The following RBFOX1 variants were observed in gnomAD, a reference collection of about 807,000 sequenced individuals.
RBFOX1 encodes RNA binding protein fox-1 homolog 1.
RBFOX1 carries 8 observed loss-of-function variants against 57.7 expected under a neutral mutation model. The ratio of observed to expected loss-of-function variants is 0.14; its 90% confidence interval spans 0.08 to 0.25. RBFOX1 has a LOEUF of 0.25. RBFOX1 is among the 10% of genes least tolerant of loss of function. The probability of loss-of-function intolerance (pLI) is 1.00; values close to 1 mark genes in which losing one functional copy is unlikely to be tolerated. For missense variants in RBFOX1, 611 were observed against 548.5 expected (o/e 1.11, Z -1.14); for synonymous variants, 326 against 222.4 (o/e 1.47, Z -4.15).
At chr16:7,003,274 C>T (rs976916861) in intron 3 of RBFOX1, among the ~76,000 whole-genome samples, 4 of 151,760 alleles carry the variant, frequency 2.6e-5, no homozygotes, top group Non-Finnish European at 5.9e-5. Flanking sequence ...TCCTGGCCAA[C>T]ATGGTGAAAC....
chr16:7,422,257 C>A (rs1050966472), intron 4 of RBFOX1, among the ~76,000 whole-genome samples: 1 of 152,138 alleles, frequency 6.6e-6, no homozygotes. Flanking sequence ...AGAAACAGCC[C>A]TATTGTTTTA....
At chr16:5,988,019 C>G (rs2060315512) in intron 4 of RBFOX1, among the ~76,000 whole-genome samples, 1 of 152,136 alleles carries the variant, frequency 6.6e-6, no homozygotes, top group Non-Finnish European at 1.5e-5. Flanking sequence ...TGGCTCTAGC[C>G]CACAGTACTT....
chr16:7,582,417 G>A (rs2093844082), intron 6 of RBFOX1, among the ~76,000 whole-genome samples: 1 of 152,130 alleles, frequency 6.6e-6, no homozygotes, highest in South Asian at 2.1e-4. Flanking sequence ...AGACCCCCTT[G>A]CAATGACTTT....
chr16:7,295,045 T>C (rs1272775313), intron 4 of RBFOX1, among the ~76,000 whole-genome samples: 6 of 152,174 alleles, frequency 3.9e-5, no homozygotes, highest in Admixed American at 2.6e-4. Context: ...CAGAAGTAAT[T>C]TTCTAACATG....
chr16:5,701,536 G>A (rs2051047709), intron 3 of RBFOX1, among the ~76,000 whole-genome samples: 1 of 152,080 alleles, frequency 6.6e-6, no homozygotes. Context: ...TATGCCTCCT[G>A]GGCTCAAGCC....
chr16:5,988,271 G>C (rs2060320691), intron 4 of RBFOX1, among the ~76,000 whole-genome samples: 1 of 152,148 alleles, frequency 6.6e-6, no homozygotes, highest in African/African-American at 2.4e-5. Flanking sequence ...GCAAATGTCT[G>C]TAATTGAACA....
Position 6,214,379 on chromosome 16 carries a change from G to A in RBFOX1, c.-126-102616G>A, listed in dbSNP as rs566692447. Among the ~76,000 whole-genome samples, 169 of 149,722 alleles carry A rather than the reference G, an allele frequency of 1.1e-3. 1 individual carries two copies. Among genetic ancestry groups the A allele is most frequent in the Admixed American group, 4.7e-3 (71 of 15,002 alleles). ...AGAAAGAGAGTGAGGGAGAAAGAGT[G>A]AGAGTGAGAGGGAGAGGGACAGGAA... is the stretch of plus-strand genomic sequence containing the variant. On this transcript the variant is annotated intron_variant, in intron 1 of 15. Coordinates refer to ENST00000550418, the MANE Select transcript of RBFOX1 (RefSeq NM_018723.4).
At chr16:7,149,009 G>T (rs1228553750) in intron 4 of RBFOX1, among the ~76,000 whole-genome samples, 1 of 152,216 alleles carries the variant, frequency 6.6e-6, no homozygotes, top group Non-Finnish European at 1.5e-5. Context: ...CTGGCTTAGA[G>T]AATGCGTCAA....
At chr16:7,211,453 C>G (rs2091124564) in intron 4 of RBFOX1, among the ~76,000 whole-genome samples, 1 of 150,130 alleles carries the variant, frequency 6.7e-6, no homozygotes, top group African/African-American at 2.5e-5. Context: ...ATCCAGTGGG[C>G]TGGTAGCTGT....
intron 4 of RBFOX1, among the ~76,000 whole-genome samples, chr16:7,310,374 T>C (rs568523180): frequency 1.3e-5 from 2 of 152,270 alleles, no homozygotes; most frequent in Admixed American, 6.5e-5. Context: ...ATAGCCCTGA[T>C]GGATTGATCC....
intron 3 of RBFOX1, among the ~76,000 whole-genome samples, chr16:6,671,085 T>A (rs985757216): frequency 2.0e-5 from 3 of 152,234 alleles, no homozygotes; most frequent in Admixed American, 6.5e-5. Context: ...CTCATACGTA[T>A]GAACAACCAG....
intron 4 of RBFOX1, among the ~76,000 whole-genome samples, chr16:7,057,734 G>T (rs1056056824): frequency 2.0e-5 from 3 of 152,142 alleles, no homozygotes; most frequent in Non-Finnish European, 2.9e-5. Flanking sequence ...GATGCCGGGT[G>T]CAGTGACTCA....
intron 2 of RBFOX1, among the ~76,000 whole-genome samples, chr16:6,541,570 G>A (rs1027385797): frequency 1.3e-5 from 2 of 152,144 alleles, no homozygotes; most frequent in Admixed American, 6.5e-5. Flanking sequence ...TAAGCGCAAT[G>A]GAAAGTCACT....
intron 4 of RBFOX1, among the ~76,000 whole-genome samples, chr16:5,928,138 G>T (rs995744267): frequency 6.6e-6 from 1 of 151,904 alleles, no homozygotes; most frequent in African/African-American, 2.4e-5. Flanking sequence ...CTGTCACCCA[G>T]GCTGGAGAAC....
chr16:6,555,363 T>G (rs2097079155), intron 2 of RBFOX1, among the ~76,000 whole-genome samples: 1 of 152,156 alleles, frequency 6.6e-6, no homozygotes, highest in African/African-American at 2.4e-5. Context: ...AAATATGGGT[T>G]TGACCACACA....
chr16:6,215,756 A>G (rs541625121), intron 1 of RBFOX1, among the ~76,000 whole-genome samples: 1 of 152,224 alleles, frequency 6.6e-6, no homozygotes, highest in East Asian at 1.9e-4. Flanking sequence ...AGCTCTTCGA[A>G]AGCAAGTATT....
intron 3 of RBFOX1, among the ~76,000 whole-genome samples, chr16:6,914,214 G>A (rs1014157697): frequency 2.0e-5 from 3 of 152,168 alleles, no homozygotes; most frequent in Admixed American, 1.3e-4. Flanking sequence ...ACTGAGTTTA[G>A]CATATTTATT....
chr16:7,003,255 T>G (rs1971948), intron 3 of RBFOX1, among the ~76,000 whole-genome samples: 1 of 151,862 alleles, frequency 6.6e-6, no homozygotes, highest in East Asian at 1.9e-4. Context: ...GGTCAGCAGA[T>G]CAAGACCATC....
rs184485176 is a variant in RBFOX1 at position 7,277,005 on chromosome 16, G to A, written c.27+224907G>A. Among the ~76,000 whole-genome samples the A allele has an allele frequency of 4.7e-3, 715 of 152,276 alleles. 3 individuals are homozygous for A. Among genetic ancestry groups the A allele is most frequent in the Non-Finnish European group, 8.2e-3 (556 of 68,010 alleles). On this transcript the variant is annotated intron_variant, in intron 4 of 15. Coordinates refer to ENST00000550418, the MANE Select transcript of RBFOX1 (RefSeq NM_018723.4). ...CAAATCGTAGATGGTATAACTTTGC[G>A]TCTTTTTCAAGTTATTTTTACAGAA...
Sources: gnomAD v4.1 joint callset for allele counts (sites outside exome capture counted in the v4.1 genomes callset) on GRCh38, gnomAD v4.1.1 for gene constraint, MANE v1.5 for transcripts, NCBI Gene and HGNC (gene_info 2026-07-23, HGNC 2026-07-21) for gene names.